Variants in DDX43 observed in about 807,000 individuals in gnomAD.
DDX43 encodes the protein DEAD-box helicase 43, also known as probable ATP-dependent RNA helicase DDX43.
Under a neutral mutation model 84.9 loss-of-function variants are expected in DDX43, and 50 were observed. That is an observed-to-expected ratio of 0.59 (90% CI 0.47 to 0.75). The LOEUF is 0.75. DDX43 is among the 30% of genes least tolerant of loss of function. DDX43 has a pLI of 0.00. For synonymous variants in DDX43, 291 were observed against 266.3 expected (o/e 1.09, Z -0.90); for missense variants, 689 against 798.6 (o/e 0.86, Z 1.65).
intron 4 of DDX43, among the ~76,000 whole-genome samples, chr6:73,404,456 T>C (rs928588273): frequency 6.6e-6 from 1 of 152,188 alleles, no homozygotes; most frequent in South Asian, 2.1e-4. Context: ...CAGGCTCAAG[T>C]GATCCTCCCA....
At chr6:73,413,891 T>C (rs1769852371) in intron 12 of DDX43, 79 bp from the exon 13 acceptor site, 1 of 1,527,426 alleles carries the variant, frequency 6.5e-7, no homozygotes, top group South Asian at 1.2e-5. Context: ...TTATGTTACT[T>C]TAGATTTTTG....
At chr6:73,412,668 TGCGC>T (rs200406044) in intron 11 of DDX43, among the ~76,000 whole-genome samples, 56 of 108,438 alleles carry the variant, frequency 5.2e-4, no homozygotes, top group Admixed American at 6.3e-4. Context: ...TGTGTGTGTG[TGCGC>T]GCGCGCGTGT....
At chr6:73,417,004 A>G (rs1318761903) in intron 16 of DDX43, among the ~76,000 whole-genome samples, 183 bp from the exon 17 acceptor site, 3 of 152,180 alleles carry the variant, frequency 2.0e-5, no homozygotes, top group Non-Finnish European at 4.4e-5. Context: ...GGGCCACTGC[A>G]CTCCAGCCTG....
chr6:73,398,290 C>T (rs574190905), intron 2 of DDX43, among the ~76,000 whole-genome samples: 16 of 152,096 alleles, frequency 1.1e-4, no homozygotes, highest in African/African-American at 1.4e-4. Context: ...CTCACTCTGT[C>T]GCCCAGGCTG....
intron 1 of DDX43, 119 bp from the exon 2 acceptor site, chr6:73,397,570 G>T: frequency 2.5e-6 from 2 of 802,542 alleles, no homozygotes; most frequent in Non-Finnish European, 2.0e-6. Flanking sequence ...AAAAATGATT[G>T]TTGAACCCTA....
At position 73,415,548 on chromosome 6, in the gene DDX43, C is replaced by T. The variant is rs749231571; in HGVS notation, c.1797C>T (p.Ala599=). Residue 599 remains alanine, a synonymous_variant, in exon 15 of 17, where the codon GCC becomes GCT. Transcript: ENST00000370336. ...TTLTRNDWRV[A]SELINILERA... is the part of the protein sequence containing the mutation. ...TGACTAGAAATGATTGGAGGGTTGC[C>T]TCTGAATTGATTAATATTCTGGAAA... 8.7e-6 allele frequency: 14 copies of T among 1,612,610 alleles called. No individual in the cohort carries two copies. The highest frequency in any genetic ancestry group is 1.7e-5 in the Admixed American group (1 of 59,916).
chr6:73,398,256 T>G (rs1769509135), intron 2 of DDX43, among the ~76,000 whole-genome samples: 1 of 151,828 alleles, frequency 6.6e-6, no homozygotes, highest in Admixed American at 6.6e-5. Flanking sequence ...GGTAAAAATC[T>G]TTTTTATTTT....
chr6:73,394,833 A>G lies in DDX43; in HGVS notation c.-73A>G. ...GGCTGCGTGGCTTCCCTGGCACGCT[A>G]CTCTTACGACGTCACGGTCAGGTGG... On this transcript the variant is annotated 5_prime_UTR_variant, in exon 1 of 17. Coordinates refer to ENST00000370336, the MANE Select transcript of DDX43 (RefSeq NM_018665.3). The G allele has an allele frequency of 6.4e-7, 1 of 1,566,660 alleles. No individual in the cohort carries two copies. Among genetic ancestry groups the G allele is most frequent in the Non-Finnish European group, 8.6e-7 (1 of 1,157,150 alleles).
chr6:73,416,271 T>C lies in DDX43; in HGVS notation c.*25+20T>C, dbSNP rs1195090898. ...GTAGAGGTAAAAGTTCAATAACATA[T>C]GGACTTTAAAATGCCTGCTTACTTA... On this transcript the variant is annotated intron_variant, in intron 16 of 16. Coordinates refer to ENST00000370336, the MANE Select transcript of DDX43 (RefSeq NM_018665.3). The C allele has an allele frequency of 3.0e-6, 3 of 992,716 alleles. No individual in the cohort carries two copies. The highest frequency in any genetic ancestry group is 3.2e-5 in the African/African-American group (2 of 62,840). The allele number at this position is 992,716 out of a possible 1,614,324, so 61.5% of individuals were successfully genotyped here. A position where few individuals can be genotyped will look rare whatever the true frequency, so the allele number is the denominator to read the frequency against.
intron 3 of DDX43, among the ~76,000 whole-genome samples, chr6:73,400,772 T>G (rs1029150223): frequency 1.3e-5 from 2 of 152,122 alleles, no homozygotes; most frequent in Non-Finnish European, 2.9e-5. Context: ...TGAAAACTGC[T>G]TAAATATTTG....
At chr6:73,409,030 G>A (rs1769734723) in intron 9 of DDX43, among the ~76,000 whole-genome samples, 1 of 152,176 alleles carries the variant, frequency 6.6e-6, no homozygotes, top group African/African-American at 2.4e-5. Context: ...TTTGTTTAAG[G>A]AGATTTGGAA....
chr6:73,415,695 G>T, intron 15 of DDX43, 111 bp downstream of exon 15: 3 of 728,618 alleles, frequency 4.1e-6, no homozygotes, highest in Non-Finnish European at 6.7e-6. Flanking sequence ...TTTTCATCAC[G>T]TTTTGAGGGC....
Position 73,395,014 on chromosome 6 carries a change from C to G in DDX43, c.109C>G (p.Arg37Gly), listed in dbSNP as rs147467609. Residue 37 changes from arginine (R) to glycine (G), a missense_variant, in exon 1 of 17, where the codon CGA (arginine) becomes GGA (glycine). By Grantham distance (125) the Arg-to-Gly change is moderately radical. Around this residue, in one of 2 missense-constraint regions of DDX43, gnomAD observed 137 missense variants for 105.9 expected, o/e 1.29. Transcript: ENST00000370336. ...PERRPAEELNRTGPEGYSVGR... is the reference protein window; with the variant it reads ...PERRPAEELNGTGPEGYSVGR... ...GAGGAGGCCGGCGGAGGAGTTGAAT[C>G]GAACAGGTCCTGAGGGATATAGTGT... 6.2e-7 allele frequency: 1 copy of G among 1,614,250 alleles called. No homozygotes were observed. The highest frequency in any genetic ancestry group is 1.1e-5 in the South Asian group (1 of 91,084).
intron 10 of DDX43, among the ~76,000 whole-genome samples, chr6:73,411,711 T>G (rs1038455547): frequency 4.6e-5 from 7 of 152,186 alleles, no homozygotes; most frequent in Admixed American, 1.3e-4. Context: ...ATTTACTTAT[T>G]TATGAGACGG....
rs1236350227 is a variant in DDX43 at position 73,412,239 on chromosome 6, C to T, written c.1315C>T (p.Gln439Ter). The change falls in exon 11 of 17, where the codon CAA (glutamine) becomes TAA (stop). Residue 439 changes from glutamine (Q) to a stop codon, truncating the protein, a stop_gained. Coordinates refer to ENST00000370336, the MANE Select transcript of DDX43 (RefSeq NM_018665.3). LOFTEE classifies it high-confidence loss of function. ...TWPHSVHRLA[Q>*]SYLKEPMIVY... is the part of the protein sequence containing the mutation. ...GCCTCATTCAGTTCATCGCCTCGCA[C>T]AATCTTATTTGAAAGAACCAATGAT... The T allele has an allele frequency of 8.1e-6, 13 of 1,613,648 alleles. No homozygotes were observed. Among genetic ancestry groups the T allele is most frequent in the Non-Finnish European group, 9.3e-6 (11 of 1,179,942 alleles).
At chr6:73,398,552 G>C (rs1422335720) in intron 2 of DDX43, among the ~76,000 whole-genome samples, 3 of 151,336 alleles carry the variant, frequency 2.0e-5, no homozygotes, top group Admixed American at 2.0e-4. Context: ...AGGCCCAGTC[G>C]GAGGTAAAAA....
At chr6:73,401,394 TC>T in intron 3 of DDX43, among the ~76,000 whole-genome samples, 1 of 152,332 alleles carries the variant, frequency 6.6e-6, no homozygotes, top group Non-Finnish European at 1.5e-5. Context: ...ACTTACCTTC[TC>T]CAATAAAATT....
intron 11 of DDX43, among the ~76,000 whole-genome samples, chr6:73,413,175 C>A (rs1332241662): frequency 2.0e-5 from 3 of 151,938 alleles, no homozygotes; most frequent in African/African-American, 7.2e-5. Flanking sequence ...TCAGTGGGAA[C>A]CCTCCATTAT....
Position 73,404,715 on chromosome 6 carries a change from T to A in DDX43, c.594T>A (p.Phe198Leu). The change falls in exon 5 of 17, where the codon TTT becomes TTA. Residue 198 changes from phenylalanine (F) to leucine (L), a missense_variant. Physicochemically the swap from Phe to Leu is conservative, Grantham distance 22 (BLOSUM62 0). Around this residue, in one of 2 missense-constraint regions of DDX43, gnomAD observed 552 missense variants for 692.7 expected, o/e 0.80. Transcript: ENST00000370336. The part of the protein sequence containing the change: ...WADLPPIKKN[F>L]YKESTATSAM... ...ATTTACCACCAATTAAGAAAAACTT[T>A]TATAAAGAGTCCACTGCCACAAGTG... 1 of 1,612,410 alleles carries A rather than the reference T, an allele frequency of 6.2e-7. No homozygotes were observed. Among genetic ancestry groups the A allele is most frequent in the Non-Finnish European group, 8.5e-7 (1 of 1,179,652 alleles).
Sources: gnomAD v4.1 joint callset for allele counts (sites outside exome capture counted in the v4.1 genomes callset) on GRCh38, gnomAD v4.1.1 for gene constraint, gnomAD v4.1.1 regional missense constraint, MANE v1.5 for transcripts, NCBI Gene and HGNC (gene_info 2026-07-23, HGNC 2026-07-21) for gene names.